Variants in NFATC1 observed in about 807,000 individuals in gnomAD.
NFATC1 encodes nuclear factor of activated T-cells, cytoplasmic 1.
NFATC1 carries 22 observed loss-of-function variants against 76.0 expected under a neutral mutation model. The ratio of observed to expected loss-of-function variants is 0.29; its 90% confidence interval spans 0.21 to 0.41. NFATC1 has a LOEUF of 0.41. NFATC1 is among the 10% of genes least tolerant of loss of function. The probability of loss-of-function intolerance (pLI) is 1.00; values close to 1 mark genes in which losing one functional copy is unlikely to be tolerated. For missense variants in NFATC1, 1,357 were observed against 1,337.7 expected, an observed-to-expected ratio of 1.01 and a Z score of -0.23; for synonymous variants, 704 against 613.1, an observed-to-expected ratio of 1.15 and a Z score of -2.19.
At chr18:79,502,170 G>A (rs962008031) in intron 9 of NFATC1, among the ~76,000 whole-genome samples, 7 of 152,168 alleles carry the variant, frequency 4.6e-5, no homozygotes, top group Admixed American at 2.6e-4. Context: ...GATCAGTGGC[G>A]CAGAATTAAA....
chr18:79,448,757 CA>C lies in NFATC1; in HGVS notation c.1387-24del, dbSNP rs773765457. The C allele has an allele frequency of 3.4e-5, 55 of 1,607,194 alleles. No homozygotes were observed. In the South Asian group the frequency reaches 5.6e-4, roughly 16 times the overall value. ...GGCGGTCTGTGCTCTGGGTGCTGAG[CA>C]GGTGTTTTCTGTTCTCTCGCCAGCT... On this transcript the variant is annotated intron_variant, in intron 3 of 9. Transcript: ENST00000427363.
chr18:79,499,866 T>G (rs1228855286), intron 9 of NFATC1, among the ~76,000 whole-genome samples: 1 of 152,094 alleles, frequency 6.6e-6, no homozygotes, highest in African/African-American at 2.4e-5. Flanking sequence ...ATAAAAATAT[T>G]ACTAGAAACA....
At chr18:79,489,573 G>A (rs1285384006) in intron 9 of NFATC1, among the ~76,000 whole-genome samples, 3 of 152,314 alleles carry the variant, frequency 2.0e-5, no homozygotes, top group Admixed American at 1.3e-4. Flanking sequence ...AGTTCCCAGC[G>A]GGCCTCTCTC....
chr18:79,507,967 T>C (rs1023281784), intron 9 of NFATC1, among the ~76,000 whole-genome samples: 3 of 152,246 alleles, frequency 2.0e-5, no homozygotes, highest in Non-Finnish European at 4.4e-5. Flanking sequence ...ATCCCTGTTA[T>C]GTACTTTCCC....
At chr18:79,509,847 G>T (rs1038308035) in intron 9 of NFATC1, among the ~76,000 whole-genome samples, 3 of 152,230 alleles carry the variant, frequency 2.0e-5, no homozygotes, top group African/African-American at 7.2e-5. Context: ...TCTCTGGGCT[G>T]ACCTCACCTC....
intron 6 of NFATC1, among the ~76,000 whole-genome samples, chr18:79,454,026 C>T (rs112060982): frequency 0.017 from 2,520 of 152,248 alleles, 80 homozygotes; most frequent in African/African-American, 0.057. Context: ...ACACAGTTGC[C>T]CTCTCGTTTT....
At chr18:79,432,704 C>T (rs1242407852) in intron 2 of NFATC1, among the ~76,000 whole-genome samples, 2 of 152,188 alleles carry the variant, frequency 1.3e-5, no homozygotes, top group African/African-American at 4.8e-5. Context: ...CGGGGCAGGC[C>T]ACCCCCTAGA....
chr18:79,513,962 G>A (rs912404172), intron 9 of NFATC1, among the ~76,000 whole-genome samples: 6 of 152,192 alleles, frequency 3.9e-5, no homozygotes, highest in African/African-American at 1.2e-4. Flanking sequence ...TGAGCTGGCC[G>A]CTCACTGTGC....
At chr18:79,450,440 A>C (rs2087418922) in intron 4 of NFATC1, among the ~76,000 whole-genome samples, 1 of 148,464 alleles carries the variant, frequency 6.7e-6, no homozygotes, top group African/African-American at 2.4e-5. Context: ...ATAATATTTA[A>C]CCTAATAATA....
At chr18:79,477,855 G>A (rs1234203808) in intron 8 of NFATC1, among the ~76,000 whole-genome samples, 1 of 152,210 alleles carries the variant, frequency 6.6e-6, no homozygotes, top group African/African-American at 2.4e-5. Context: ...TGGCAGGACA[G>A]GCGATTTGTC....
At chr18:79,431,449 G>T (rs1263506242) in intron 2 of NFATC1, among the ~76,000 whole-genome samples, 2 of 151,566 alleles carry the variant, frequency 1.3e-5, no homozygotes, top group Non-Finnish European at 2.9e-5. Flanking sequence ...ACCTCCCCTG[G>T]CTCAGGCGAT....
intron 1 of NFATC1, among the ~76,000 whole-genome samples, chr18:79,404,870 C>T (rs1459137367): frequency 6.6e-6 from 1 of 152,226 alleles, no homozygotes; most frequent in African/African-American, 2.4e-5. Context: ...GAATGCTGTG[C>T]ACCTGTAGGG....
At chr18:79,522,948 G>C (rs531587833) in intron 9 of NFATC1, among the ~76,000 whole-genome samples, 1 of 152,368 alleles carries the variant, frequency 6.6e-6, no homozygotes, top group East Asian at 1.9e-4. Flanking sequence ...GCAGGTGGCT[G>C]TTCAGGGCCC....
At chr18:79,420,155 G>A (rs1162270170) in intron 2 of NFATC1, among the ~76,000 whole-genome samples, 20 of 152,146 alleles carry the variant, frequency 1.3e-4, no homozygotes. Context: ...GTTTCCAGGC[G>A]AGGTTGCTGC....
chr18:79,466,820 G>A (rs1479532402), intron 7 of NFATC1, among the ~76,000 whole-genome samples: 3 of 152,210 alleles, frequency 2.0e-5, no homozygotes. Context: ...TCTCCAGGAA[G>A]CACCTGCTCC....
rs980131095 is a variant in NFATC1 at position 79,395,965 on chromosome 18, G to C, written c.-260G>C. On this transcript the variant is annotated 5_prime_UTR_variant, in exon 1 of 10. Transcript: ENST00000427363. ...GAGACTCAGAGGCTCCGAACTCGCC[G>C]GCGGAGTCGCCGCGCCAGATCCCAG... The C allele has an allele frequency of 9.8e-6, 2 of 203,386 alleles. No homozygotes were observed. Among genetic ancestry groups the C allele is most frequent in the African/African-American group, 4.7e-5 (2 of 42,840 alleles). The allele number at this position is 203,386 out of a possible 1,614,324, so 12.6% of individuals were successfully genotyped here.
intron 8 of NFATC1, among the ~76,000 whole-genome samples, chr18:79,481,031 A>C (rs1273157997): frequency 1.3e-5 from 2 of 152,202 alleles, no homozygotes; most frequent in African/African-American, 4.8e-5. Context: ...AGCGGGAGAG[A>C]TGTGGGTGCC....
At position 79,410,711 on chromosome 18, in the gene NFATC1, C is replaced by T; in HGVS notation, c.436C>T (p.Pro146Ser). ...CGATGTGGAGGTGGAAGACGTCCTC[C>T]CTAGCTCCAAACGGTCCCCCTCCAC... Reference protein sequence around the residue: ...FHDVEVEDVLPSSKRSPSTAT... With the variant: ...FHDVEVEDVLSSSKRSPSTAT... The change falls in exon 2 of 10, where the codon CCT becomes TCT. Residue 146 changes from proline (P) to serine (S), a missense_variant. Physicochemically the swap from Pro to Ser is moderately conservative, Grantham distance 74 (BLOSUM62 -1). Transcript: ENST00000427363. This position sits in a 1 kb window ranked among gnomAD's most constrained non-coding sequence, Gnocchi z 6.7. 1 of 1,613,102 alleles carries T rather than the reference C, an allele frequency of 6.2e-7. No homozygotes were observed. Among genetic ancestry groups the T allele is most frequent in the Non-Finnish European group, 8.5e-7 (1 of 1,180,020 alleles).
At chr18:79,510,862 TCTGCCGGGGCATCTTCCGCCGGGGCATCC>T (rs2145172417) in intron 9 of NFATC1, among the ~76,000 whole-genome samples, 1 of 150,062 alleles carries the variant, frequency 6.7e-6, no homozygotes, top group Admixed American at 6.6e-5. Flanking sequence ...CGGGGCATCC[TCTGCCGGGGCATCTTCCGCCGGGGCATCC>T]TCCGCCGGGA....
Sources: allele counts gnomAD v4.1 joint callset (sites outside exome capture counted in the v4.1 genomes callset), GRCh38; gene constraint gnomAD v4.1.1; non-coding constraint Gnocchi (gnomAD v3.1); transcripts MANE v1.5; gene names NCBI Gene and HGNC (gene_info 2026-07-23, HGNC 2026-07-21).